The following PLEKHG7 variants were observed in gnomAD, a reference collection of about 807,000 sequenced individuals.
PLEKHG7 encodes the protein pleckstrin homology and RhoGEF domain containing G7, also known as pleckstrin homology domain-containing family G member 7.
A neutral mutation model predicts 85.2 loss-of-function variants in PLEKHG7; 77 were observed. The observed-to-expected ratio is 0.90, with a 90% CI of 0.75 to 1.09. PLEKHG7 has a LOEUF of 1.09. PLEKHG7 is among the 50% of genes least tolerant of loss of function. The probability of loss-of-function intolerance (pLI) is 0.00; values close to 1 mark genes in which losing one functional copy is unlikely to be tolerated. For missense variants in PLEKHG7, 777 were observed against 804.3 expected (o/e 0.97, Z 0.41); for synonymous variants, 301 against 302.4 (o/e 1.00, Z 0.05).
chr12:92,732,413 C>A, intron 5 of PLEKHG7, 140 bp downstream of exon 5: 1 of 489,730 alleles, frequency 2.0e-6, no homozygotes, highest in Non-Finnish European at 3.2e-6. Flanking sequence ...GATATCATCA[C>A]ATCCGTAGTA....
rs563718033 is a variant in PLEKHG7 at position 92,710,020 on chromosome 12, C to T, written c.530+2348C>T. On this transcript the variant is annotated intron_variant, in intron 3 of 16. Coordinates refer to ENST00000344636, the MANE Select transcript of PLEKHG7 (RefSeq NM_001377329.1). The stretch of plus-strand genomic sequence containing the variant: ...CTTCAGTTTAATGGAAACTTTCTTG[C>T]GTCTCCTGGTGGCAGTGTTCCTCCC... Among the ~76,000 whole-genome samples, 8 of 152,270 alleles carry T rather than the reference C, an allele frequency of 5.3e-5. 1 individual carries two copies. In the South Asian group the frequency reaches 6.2e-4, roughly 12 times the overall value.
chr12:92,757,201 C>A (rs1872859698), intron 13 of PLEKHG7, among the ~76,000 whole-genome samples: 1 of 152,174 alleles, frequency 6.6e-6, no homozygotes, highest in African/African-American at 2.4e-5. Flanking sequence ...TTCAGTTTAC[C>A]TTACTTTATT....
intron 1 of PLEKHG7, among the ~76,000 whole-genome samples, chr12:92,703,521 C>T (rs982702865): frequency 1.3e-5 from 2 of 152,198 alleles, no homozygotes; most frequent in African/African-American, 4.8e-5. Context: ...TTAATTTCTG[C>T]AACAGGCCTG....
At chr12:92,758,247 T>C (rs17194388) in intron 13 of PLEKHG7, among the ~76,000 whole-genome samples, 39,831 of 152,166 alleles carry the variant, frequency 0.26, 5,755 homozygotes, top group Non-Finnish European at 0.33. Context: ...TACTGCAAGA[T>C]GCACCAGCTT....
chr12:92,713,411 T>C (rs1490493625), intron 3 of PLEKHG7, among the ~76,000 whole-genome samples: 1 of 152,096 alleles, frequency 6.6e-6, no homozygotes, highest in Non-Finnish European at 1.5e-5. Flanking sequence ...TCTACAGGAG[T>C]CAGTCTATTC....
intron 3 of PLEKHG7, among the ~76,000 whole-genome samples, chr12:92,712,899 T>TA (rs1365512881): frequency 6.6e-6 from 1 of 152,188 alleles, no homozygotes; most frequent in Non-Finnish European, 1.5e-5. Flanking sequence ...GCCCCTACTT[T>TA]AACTGGAGGA....
chr12:92,727,832 A>G (rs1871858655), intron 3 of PLEKHG7, among the ~76,000 whole-genome samples: 1 of 151,462 alleles, frequency 6.6e-6, no homozygotes, highest in East Asian at 1.9e-4. Flanking sequence ...CTCAGATGAT[A>G]CGCTCACCTT....
intron 3 of PLEKHG7, among the ~76,000 whole-genome samples, chr12:92,714,601 T>C (rs1233408804): frequency 2.0e-5 from 3 of 152,204 alleles, no homozygotes; most frequent in Non-Finnish European, 4.4e-5. Context: ...TGAGGCTCAG[T>C]GTCTGCTTCT....
chr12:92,716,433 G>A (rs1472341631), intron 3 of PLEKHG7, among the ~76,000 whole-genome samples: 2 of 152,150 alleles, frequency 1.3e-5, no homozygotes, highest in South Asian at 2.1e-4. Context: ...AGTGAGAAGT[G>A]CCCAATATAC....
At position 92,741,540 on chromosome 12, in the gene PLEKHG7, T is replaced by C. The variant is rs199769843; in HGVS notation, c.1085T>C (p.Val362Ala). ...CTCTTTGGCATCATCAAGGACTATG[T>C]AGACGCTTCTGAGATTTCCTCATCA... ...NSLFGIIKDY[V>A]DASEISSSLD... The change falls in exon 9 of 17, where the codon GTA becomes GCA. Residue 362 changes from valine to alanine, a missense_variant. Coordinates refer to ENST00000344636, the MANE Select transcript of PLEKHG7 (RefSeq NM_001377329.1). 683 of 1,613,624 alleles carry C rather than the reference T, an allele frequency of 4.2e-4. No individual in the cohort carries two copies. The highest frequency in any genetic ancestry group is 5.5e-4 in the Non-Finnish European group (645 of 1,179,798).
Position 92,737,488 on chromosome 12 carries a change from C to A in PLEKHG7, c.906C>A (p.Thr302=), listed in dbSNP as rs754378060. 18 of 1,603,174 alleles carry A rather than the reference C, an allele frequency of 1.1e-5. No homozygotes were observed. Among genetic ancestry groups the A allele is most frequent in the Non-Finnish European group, 1.5e-5 (18 of 1,177,504 alleles). The change falls in exon 7 of 17, where the codon ACC becomes ACA. Residue 302 remains threonine, a synonymous_variant. Transcript: ENST00000344636. ...GGGAACTTTTCACAAGTGAATGCAC[C>A]TATTTTTTGGACCATTTATTAGTTC... is the stretch of plus-strand genomic sequence containing the variant. The part of the protein sequence containing the change: ...AVWELFTSEC[T]YFLDHLLVLK...
intron 9 of PLEKHG7, among the ~76,000 whole-genome samples, chr12:92,744,261 A>G (rs928782477): frequency 2.1e-4 from 32 of 152,210 alleles, no homozygotes; most frequent in African/African-American, 7.5e-4. Context: ...ATGAGTTATT[A>G]TATTAATCAA....
At chr12:92,760,550 GA>G (rs1408065072) in intron 13 of PLEKHG7, among the ~76,000 whole-genome samples, 4 of 152,040 alleles carry the variant, frequency 2.6e-5, no homozygotes, top group Non-Finnish European at 4.4e-5. Context: ...AGAACAAGCT[GA>G]AAAAAATTTA....
At chr12:92,722,231 C>A in intron 3 of PLEKHG7, among the ~76,000 whole-genome samples, 1 of 152,072 alleles carries the variant, frequency 6.6e-6, no homozygotes, top group South Asian at 2.1e-4. Flanking sequence ...GACACAGACC[C>A]GGGTCTTTTC....
chr12:92,739,078 C>T (rs1351026311), intron 7 of PLEKHG7, among the ~76,000 whole-genome samples: 7 of 152,204 alleles, frequency 4.6e-5, no homozygotes, highest in Non-Finnish European at 1.0e-4. Context: ...ACATTTCTTC[C>T]CATCTCTCAC....
chr12:92,708,591 T>A (rs994285285), intron 3 of PLEKHG7: 1 of 152,156 alleles, frequency 6.6e-6, no homozygotes, highest in Non-Finnish European at 1.5e-5. Flanking sequence ...TCCCTGGGGG[T>A]GACTTGGTCT....
intron 10 of PLEKHG7, among the ~76,000 whole-genome samples, chr12:92,747,607 C>G (rs1440601425): frequency 6.6e-6 from 1 of 152,198 alleles, no homozygotes; most frequent in East Asian, 1.9e-4. Flanking sequence ...ACCTGCTCCT[C>G]CCATGCTTAT....
chr12:92,737,306 C>A, intron 6 of PLEKHG7, 72 bp from the exon 7 acceptor site: 1 of 1,260,242 alleles, frequency 7.9e-7, no homozygotes. Context: ...AACTGCAAGC[C>A]AAAGCAAATA....
chr12:92,715,387 C>T (rs963298651), intron 3 of PLEKHG7, among the ~76,000 whole-genome samples: 3 of 152,172 alleles, frequency 2.0e-5, no homozygotes, highest in African/African-American at 7.2e-5. Flanking sequence ...CAGATACACC[C>T]AGGATCAATA....
Sources: allele counts gnomAD v4.1 joint callset (sites outside exome capture counted in the v4.1 genomes callset), GRCh38; gene constraint gnomAD v4.1.1; transcripts MANE v1.5; gene names NCBI Gene and HGNC (gene_info 2026-07-23, HGNC 2026-07-21).